XRN1: variants seen among roughly 807,000 people sequenced by gnomAD.
XRN1 encodes the protein strand-exchange protein 1 homolog.
XRN1 carries 67 observed loss-of-function variants against 222.3 expected under a neutral mutation model. That is an observed-to-expected ratio of 0.30 (90% CI 0.25 to 0.37). XRN1 has a LOEUF of 0.37. XRN1 is among the 10% of genes least tolerant of loss of function. The probability of loss-of-function intolerance (pLI) is 1.00; values close to 1 mark genes in which losing one functional copy is unlikely to be tolerated. For missense variants in XRN1, 1,707 were observed against 2,000.2 expected (o/e 0.85, Z 2.80); for synonymous variants, 643 against 652.4 (o/e 0.99, Z 0.22).
chr3:142,375,974 GCA>G (rs66486380), intron 24 of XRN1, 30 bp from the exon 25 acceptor site: 35,564 of 1,323,240 alleles, frequency 0.027, 2 homozygotes, highest in East Asian at 0.06. Flanking sequence ...GCGCACACGT[GCA>G]CACACACACA....
intron 20 of XRN1, among the ~76,000 whole-genome samples, chr3:142,392,538 T>C (rs1577352156): frequency 2.0e-5 from 3 of 151,982 alleles, no homozygotes; most frequent in Non-Finnish European, 2.9e-5. Flanking sequence ...TGTGATCTCA[T>C]TGTTCAGTTC....
intron 36 of XRN1, among the ~76,000 whole-genome samples, chr3:142,331,454 A>G (rs760262462): frequency 3.9e-5 from 6 of 152,190 alleles, no homozygotes; most frequent in Non-Finnish European, 7.3e-5. Context: ...GGTTATTTTA[A>G]CATAATATTA....
chr3:142,335,133 G>A (rs995800102), intron 34 of XRN1, among the ~76,000 whole-genome samples: 4 of 152,172 alleles, frequency 2.6e-5, no homozygotes, highest in Middle Eastern at 6.8e-3. Flanking sequence ...GAGCCACCAC[G>A]CCTGGACAAG....
At chr3:142,330,500 A>G (rs1209001019) in intron 36 of XRN1, among the ~76,000 whole-genome samples, 3 of 152,166 alleles carry the variant, frequency 2.0e-5, no homozygotes, top group Non-Finnish European at 2.9e-5. Context: ...TTAAAAAAGC[A>G]GTTAAGTGGC....
chr3:142,414,185 G>C lies in XRN1; in HGVS notation c.1543C>G (p.Leu515Val). ...TTGCTGGCTGCTGGAAGTACAGCAAGAAGCTGTTCAAATGGCTTAAAAGGT... is the reference window on the plus strand; with the variant it reads ...TTGCTGGCTGCTGGAAGTACAGCAACAAGCTGTTCAAATGGCTTAAAAGGT... ...GKPFKPFEQL[L>V]AVLPAASKNL... is the part of the protein sequence containing the mutation. Residue 515 changes from leucine (L) to valine (V), a missense_variant, in exon 14 of 41, where the codon CTT (leucine) becomes GTT (valine). Physicochemically the swap from Leu to Val is conservative, Grantham distance 32. Coordinates refer to ENST00000392981, the MANE Select transcript of XRN1 (RefSeq NM_001282857.2). 6.2e-7 allele frequency: 1 copy of C among 1,613,828 alleles called. No homozygotes were observed. The highest frequency in any genetic ancestry group is 8.5e-7 in the Non-Finnish European group (1 of 1,179,842).
intron 37 of XRN1, among the ~76,000 whole-genome samples, chr3:142,324,942 ATCT>A (rs1322029099): frequency 2.0e-5 from 3 of 152,290 alleles, no homozygotes; most frequent in South Asian, 2.1e-4. Context: ...ATACACACAC[ATCT>A]TCTTCATCCA....
At chr3:142,375,689 A>AT in intron 25 of XRN1, 109 bp downstream of exon 25, 1 of 1,138,410 alleles carries the variant, frequency 8.8e-7, no homozygotes, top group Non-Finnish European at 1.2e-6. Context: ...CATATGCCAG[A>AT]TTTTACTAAT....
intron 2 of XRN1, among the ~76,000 whole-genome samples, chr3:142,432,024 T>C (rs2069622812): frequency 1.2e-5 from 1 of 82,564 alleles, no homozygotes; most frequent in Non-Finnish European, 2.2e-5. Context: ...ATTTTTTTAA[T>C]ATATATAATC....
chr3:142,427,286 T>C (rs1260038886), intron 2 of XRN1, among the ~76,000 whole-genome samples: 4 of 152,046 alleles, frequency 2.6e-5, no homozygotes, highest in African/African-American at 4.8e-5. Context: ...TGAGTGATGA[T>C]TGTACCCACT....
intron 36 of XRN1, among the ~76,000 whole-genome samples, chr3:142,329,856 T>C (rs1001886194): frequency 1.5e-4 from 23 of 152,204 alleles, no homozygotes; most frequent in African/African-American, 5.5e-4. Flanking sequence ...AGTGGTCCTC[T>C]GGCCACGCAC....
intron 33 of XRN1, among the ~76,000 whole-genome samples, chr3:142,336,458 G>C (rs1490546851): frequency 6.6e-6 from 1 of 150,696 alleles, no homozygotes; most frequent in African/African-American, 2.4e-5. Context: ...GAAGGGAAGG[G>C]AGGGAGGGAG....
intron 1 of XRN1, among the ~76,000 whole-genome samples, chr3:142,441,736 G>A (rs978622815): frequency 2.0e-5 from 3 of 152,158 alleles, no homozygotes; most frequent in Non-Finnish European, 4.4e-5. Context: ...GGCCAGTGTT[G>A]CGACTGTGCA....
chr3:142,351,933 G>T (rs2066319853), intron 32 of XRN1, among the ~76,000 whole-genome samples: 2 of 149,778 alleles, frequency 1.3e-5, no homozygotes. Flanking sequence ...CCCAGAATCG[G>T]CCTCACCTAA....
intron 10 of XRN1, among the ~76,000 whole-genome samples, 188 bp downstream of exon 10, chr3:142,420,828 T>C (rs1187254676): frequency 3.3e-5 from 5 of 152,046 alleles, no homozygotes; most frequent in Non-Finnish European, 7.4e-5. Flanking sequence ...AACTGATTAT[T>C]GAAGATCTCA....
At chr3:142,412,296 T>C (rs1053708255) in intron 15 of XRN1, among the ~76,000 whole-genome samples, 2 of 152,234 alleles carry the variant, frequency 1.3e-5, no homozygotes, top group Non-Finnish European at 2.9e-5. Context: ...TTTATCTGTA[T>C]AAAATATCTC....
At chr3:142,438,592 C>T (rs1185531525) in intron 1 of XRN1, among the ~76,000 whole-genome samples, 1 of 152,046 alleles carries the variant, frequency 6.6e-6, no homozygotes, top group African/African-American at 2.4e-5. Context: ...CCCCACAAGG[C>T]AAAAACGCCC....
At chr3:142,409,958 T>C (rs2068500936) in intron 15 of XRN1, among the ~76,000 whole-genome samples, 1 of 152,226 alleles carries the variant, frequency 6.6e-6, no homozygotes, top group Non-Finnish European at 1.5e-5. Context: ...GTTGCTAGTA[T>C]ATGGAAATAC....
intron 20 of XRN1, among the ~76,000 whole-genome samples, chr3:142,387,580 C>T (rs1252243917): frequency 3.3e-5 from 5 of 152,114 alleles, no homozygotes; most frequent in Non-Finnish European, 5.9e-5. Flanking sequence ...TTTCTGTTTC[C>T]CAGTACATAC....
Position 142,365,325 on chromosome 3 carries a change from G to C in XRN1, c.3246C>G (p.Pro1082=). The C allele has an allele frequency of 6.3e-7, 1 of 1,585,954 alleles. No individual in the cohort carries two copies. Among genetic ancestry groups the C allele is most frequent in the Non-Finnish European group, 8.6e-7 (1 of 1,166,202 alleles). The part of the protein sequence containing the change: ...NNKKVRVTVK[P]HLLYRPLEQQ... ...GGAAACTTACTCTGTATAGCAAATG[G>C]GGTTTCACTGTTACTCGCACCTTCT... The change falls in exon 28 of 41, where the codon CCC becomes CCG. Residue 1082 remains proline, a synonymous_variant. Transcript: ENST00000392981.
Sources: allele counts gnomAD v4.1 joint callset (sites outside exome capture counted in the v4.1 genomes callset), GRCh38; gene constraint gnomAD v4.1.1; transcripts MANE v1.5; gene names NCBI Gene and HGNC (gene_info 2026-07-23, HGNC 2026-07-21).